SLC23A2: variants seen among roughly 807,000 people sequenced by gnomAD.
SLC23A2 encodes the protein solute carrier family 23 member 2, also known as Na(+)/L-ascorbic acid transporter 2.
Under a neutral mutation model 73.3 loss-of-function variants are expected in SLC23A2, and 36 were observed. The observed-to-expected ratio is 0.49, with a 90% CI of 0.38 to 0.65. The LOEUF is 0.65. Among genes scored for constraint, SLC23A2 ranks in the 30% least tolerant of loss-of-function variants. The probability of loss-of-function intolerance (pLI) is 0.00; values close to 1 mark genes in which losing one functional copy is unlikely to be tolerated. For missense variants in SLC23A2, 507 were observed against 841.6 expected (o/e 0.60, Z 4.92); for synonymous variants, 343 against 327.3 (o/e 1.05, Z -0.52).
chr20:4,972,815 C>A (rs1035979237), intron 1 of SLC23A2, among the ~76,000 whole-genome samples: 1 of 148,618 alleles, frequency 6.7e-6, no homozygotes, highest in African/African-American at 2.6e-5. Context: ...TTGAACTCGA[C>A]CTTAGGTGAT....
chr20:4,879,408 CAAAA>C (rs111565515), intron 9 of SLC23A2, among the ~76,000 whole-genome samples: 42 of 43,002 alleles, frequency 9.8e-4, no homozygotes, highest in South Asian at 2.0e-3. Flanking sequence ...AACTCTGTCT[CAAAA>C]AAAAAAAAAA....
chr20:4,919,975 G>C (rs1195041741), intron 3 of SLC23A2, among the ~76,000 whole-genome samples: 4 of 152,170 alleles, frequency 2.6e-5, no homozygotes, highest in Non-Finnish European at 5.9e-5. Context: ...AAACTATGAT[G>C]AGAGGCCGGG....
At chr20:4,995,939 C>A (rs1465333639) in intron 1 of SLC23A2, among the ~76,000 whole-genome samples, 1 of 152,112 alleles carries the variant, frequency 6.6e-6, no homozygotes, top group Admixed American at 6.6e-5. Context: ...ACTTAGAAAC[C>A]CTGAGTTTCA....
chr20:4,905,082 C>T (rs902260602), intron 4 of SLC23A2, among the ~76,000 whole-genome samples: 6 of 141,382 alleles, frequency 4.2e-5, no homozygotes, highest in African/African-American at 1.6e-4. Flanking sequence ...CCACTGCACT[C>T]TGGCCTGGGC....
intron 2 of SLC23A2, among the ~76,000 whole-genome samples, chr20:4,964,379 A>C (rs553896384): frequency 7.2e-5 from 11 of 152,274 alleles, no homozygotes; most frequent in African/African-American, 2.6e-4. Context: ...TTTTACTCTT[A>C]AGGAATTTAT....
rs113878928 is a variant in SLC23A2, at chr20:4,940,657, A to G, written c.-154-7941T>C. 6.0e-3 allele frequency among the ~76,000 whole-genome samples: 915 copies of G among 152,328 alleles called. 12 individuals are homozygous for G. The highest frequency in any genetic ancestry group is 0.021 in the African/African-American group (884 of 41,580). On this transcript the variant is annotated intron_variant, in intron 2 of 16. Transcript: ENST00000338244. ...TGGAAAGATGTTTACCCTGTTATAT[A>G]TGTGTTATTTTTTAACTTGCCTTTT...
intron 2 of SLC23A2, among the ~76,000 whole-genome samples, chr20:4,958,132 G>C (rs2087322041): frequency 6.6e-6 from 1 of 152,208 alleles, no homozygotes; most frequent in South Asian, 2.1e-4. Flanking sequence ...ATTACAGTGT[G>C]TCCTAGTTAG....
intron 1 of SLC23A2, among the ~76,000 whole-genome samples, chr20:4,973,321 G>A (rs2087593585): frequency 6.6e-6 from 1 of 152,148 alleles, no homozygotes; most frequent in Non-Finnish European, 1.5e-5. Flanking sequence ...GGCTCCATGA[G>A]GGCAAAGTGC....
rs1929754935 is a variant in SLC23A2, at chr20:4,857,285, C to T, written c.1721-81G>A. On this transcript the variant is annotated intron_variant, in intron 16 of 16. Coordinates refer to ENST00000338244, the MANE Select transcript of SLC23A2 (RefSeq NM_005116.6). This position sits in a 1 kb window ranked among gnomAD's most constrained non-coding sequence, Gnocchi z 4.0. Reference sequence around the variant, plus strand: ...AAATGAAACTGTCGTCAAACACATACACACACACACACACACACACACACA... The same window carrying T: ...AAATGAAACTGTCGTCAAACACATATACACACACACACACACACACACACA... The T allele has an allele frequency of 4.3e-5, 2 of 46,326 alleles. No individual in the cohort carries two copies. Among genetic ancestry groups the T allele is most frequent in the Non-Finnish European group, 8.2e-5 (2 of 24,414 alleles). 2.9% of individuals were successfully genotyped at this position (46,326 alleles called of 1,614,324 possible).
At chr20:4,981,954 G>C (rs1483600244) in intron 1 of SLC23A2, among the ~76,000 whole-genome samples, 1 of 151,920 alleles carries the variant, frequency 6.6e-6, no homozygotes, top group African/African-American at 2.4e-5. Flanking sequence ...GCCCACCTCG[G>C]CCTCCCAAAG....
upstream of SLC23A2, among the ~76,000 whole-genome samples, chr20:5,002,352 G>A (rs1232785085): frequency 6.6e-6 from 1 of 152,120 alleles, no homozygotes; most frequent in Non-Finnish European, 1.5e-5. Flanking sequence ...ACTGGTCTGG[G>A]GACCACACGT....
At chr20:4,962,253 C>CCA (rs2087404201) in intron 2 of SLC23A2, among the ~76,000 whole-genome samples, 1 of 151,676 alleles carries the variant, frequency 6.6e-6, no homozygotes. Context: ...ACCCCCGCCC[C>CCA]AAAAAAACAG....
intron 12 of SLC23A2, 165 bp downstream of exon 12, chr20:4,869,741 T>A: frequency 1.8e-6 from 1 of 567,964 alleles, no homozygotes; most frequent in Non-Finnish European, 3.1e-6. Flanking sequence ...TATCAGACAG[T>A]CGAAAGTAAA....
In SLC23A2 at chr20:4,862,981, C is replaced by T; in HGVS notation, c.1357-74G>A. Reference sequence around the variant, plus strand: ...AATCACCGTAAGTTACTAAAGAACACACAGCAGAGATACCCATGGCCTGGC... The same window carrying T: ...AATCACCGTAAGTTACTAAAGAACATACAGCAGAGATACCCATGGCCTGGC... On this transcript the variant is annotated intron_variant, in intron 13 of 16. Coordinates refer to ENST00000338244, the MANE Select transcript of SLC23A2 (RefSeq NM_005116.6). This position sits in a 1 kb window ranked among gnomAD's most constrained non-coding sequence, Gnocchi z 5.1. The T allele has an allele frequency of 2.0e-6, 3 of 1,487,162 alleles. No homozygotes were observed. The South Asian group carries it at 3.5e-5, about 17-fold the overall frequency. The allele number at this position is 1,487,162 out of a possible 1,614,324, so 92.1% of individuals were successfully genotyped here.
chr20:4,946,657 C>G (rs991479542), intron 2 of SLC23A2, among the ~76,000 whole-genome samples: 1 of 152,182 alleles, frequency 6.6e-6, no homozygotes, highest in African/African-American at 2.4e-5. Flanking sequence ...AAATGCAACA[C>G]TAAATCCTAA....
At chr20:4,923,000 C>A (rs546825833) in intron 3 of SLC23A2, among the ~76,000 whole-genome samples, 2 of 152,266 alleles carry the variant, frequency 1.3e-5, no homozygotes, top group Non-Finnish European at 2.9e-5. Flanking sequence ...GTATTACTAA[C>A]ATCTCTCATT....
At chr20:4,995,646 CA>C (rs2088006912) in intron 1 of SLC23A2, among the ~76,000 whole-genome samples, 1 of 152,138 alleles carries the variant, frequency 6.6e-6, no homozygotes, top group Non-Finnish European at 1.5e-5. Flanking sequence ...CCCAAGTCCC[CA>C]AAAGTCATCC....
chr20:4,922,256 C>A (rs1932521013), intron 3 of SLC23A2, among the ~76,000 whole-genome samples: 1 of 152,078 alleles, frequency 6.6e-6, no homozygotes, highest in South Asian at 2.1e-4. Context: ...AAGGCACAGG[C>A]AGGAATAGCA....
chr20:4,980,194 T>G (rs1189114034), intron 1 of SLC23A2, among the ~76,000 whole-genome samples: 1 of 152,204 alleles, frequency 6.6e-6, no homozygotes, highest in East Asian at 1.9e-4. Context: ...ATGTTAGGTA[T>G]GTGTTAAAGT....
Sources: gnomAD v4.1 joint callset for allele counts (sites outside exome capture counted in the v4.1 genomes callset) on GRCh38, gnomAD v4.1.1 for gene constraint, Gnocchi (gnomAD v3.1) non-coding constraint, MANE v1.5 for transcripts, NCBI Gene and HGNC (gene_info 2026-07-23, HGNC 2026-07-21) for gene names.